The following JPH3 variants were observed in gnomAD, a reference collection of about 807,000 sequenced individuals.
JPH3 encodes the protein junctophilin-3.
In JPH3, 11 loss-of-function variants were observed where a neutral mutation model predicts 59.6. That is an observed-to-expected ratio of 0.18 (90% CI 0.12 to 0.31). The LOEUF (loss-of-function observed/expected upper bound fraction) is 0.31. JPH3 is among the 10% of genes least tolerant of loss of function. JPH3 has a pLI of 1.00. For missense variants in JPH3, 1,202 were observed against 1,105.7 expected, an observed-to-expected ratio of 1.09 and a Z score of -1.24; for synonymous variants, 673 against 483.6, an observed-to-expected ratio of 1.39 and a Z score of -5.14.
chr16:87,691,749 A>G (rs890786214), intron 4 of JPH3, among the ~76,000 whole-genome samples: 3 of 151,906 alleles, frequency 2.0e-5, no homozygotes, highest in East Asian at 3.9e-4. Context: ...CCGTTCCCCA[A>G]AGCCCACAGA....
At chr16:87,607,195 C>A (rs2030553473) in intron 1 of JPH3, among the ~76,000 whole-genome samples, 1 of 152,264 alleles carries the variant, frequency 6.6e-6, no homozygotes, top group Admixed American at 6.5e-5. Context: ...CCCTGGCCCC[C>A]TGAGGCCCAC....
Position 87,644,797 on chromosome 16 carries a change from G to T in JPH3, c.922G>T (p.Gly308Trp), listed in dbSNP as rs748335498. Residue 308 changes from glycine to tryptophan, a missense_variant, in exon 2 of 5, where the codon GGG becomes TGG. Gly to Trp is a radical substitution (Grantham distance 184). Transcript: ENST00000284262. ...SGFGVSQRSDGLKYEGEWASN... is the reference protein window; with the variant it reads ...SGFGVSQRSDWLKYEGEWASN... ...CTTCGGCGTGAGCCAGCGCTCGGACGGGCTCAAGTACGAGGGCGAGTGGGC... is the reference window on the plus strand; with the variant it reads ...CTTCGGCGTGAGCCAGCGCTCGGACTGGCTCAAGTACGAGGGCGAGTGGGC... 1 of 1,613,318 alleles carries T rather than the reference G, an allele frequency of 6.2e-7. No individual in the cohort carries two copies. The highest frequency in any genetic ancestry group is 8.5e-7 in the Non-Finnish European group (1 of 1,179,886).
At chr16:87,609,490 C>G (rs900926174) in intron 1 of JPH3, among the ~76,000 whole-genome samples, 2 of 152,184 alleles carry the variant, frequency 1.3e-5, no homozygotes, top group African/African-American at 2.4e-5. Context: ...TGGTCTTGAA[C>G]TGAACTCAGG....
intron 2 of JPH3, among the ~76,000 whole-genome samples, chr16:87,665,558 A>T (rs2032835046): frequency 6.6e-6 from 1 of 152,224 alleles, no homozygotes; most frequent in Non-Finnish European, 1.5e-5. Context: ...CACCTCACAG[A>T]TGCTGAGACA....
At chr16:87,685,970 T>C (rs970363863) in intron 3 of JPH3, among the ~76,000 whole-genome samples, 1 of 151,674 alleles carries the variant, frequency 6.6e-6, no homozygotes, top group Non-Finnish European at 1.5e-5. Context: ...TGGATTGGGG[T>C]GAGTCCTAGA....
At chr16:87,669,617 A>C (rs560519595) in intron 2 of JPH3, among the ~76,000 whole-genome samples, 12 of 152,162 alleles carry the variant, frequency 7.9e-5, no homozygotes, top group African/African-American at 2.9e-4. Flanking sequence ...TGTCTGCCCC[A>C]TGGTGAGTTT....
chr16:87,651,150 A>G (rs775082139), intron 2 of JPH3, among the ~76,000 whole-genome samples: 1 of 152,236 alleles, frequency 6.6e-6, no homozygotes, highest in Non-Finnish European at 1.5e-5. Flanking sequence ...ATGGAACAAC[A>G]AAGACCTGGA....
At chr16:87,689,613 C>T (rs2033506693) in intron 3 of JPH3, 33 bp from the exon 4 acceptor site, 3 of 1,602,002 alleles carry the variant, frequency 1.9e-6, no homozygotes, top group Admixed American at 3.4e-5. Flanking sequence ...TGCTGGGTAA[C>T]GCCGTCTGGC....
intron 2 of JPH3, among the ~76,000 whole-genome samples, chr16:87,667,460 C>G (rs570664233): frequency 4.9e-4 from 75 of 152,322 alleles, no homozygotes; most frequent in Non-Finnish European, 9.1e-4. Flanking sequence ...TTCCCCAGCC[C>G]TGTTCAGAAA....
At chr16:87,684,431 G>A (rs1291299583) in intron 3 of JPH3, 165 bp downstream of exon 3, 4 of 1,181,004 alleles carry the variant, frequency 3.4e-6, no homozygotes. Context: ...GTGCTTGTTT[G>A]TGCCAAGGCC....
intron 2 of JPH3, among the ~76,000 whole-genome samples, chr16:87,651,483 T>C (rs148405442): frequency 0.016 from 2,496 of 152,294 alleles, 45 homozygotes; most frequent in Non-Finnish European, 0.02. Context: ...TAGATCCCAT[T>C]AAGAACATTC....
intron 2 of JPH3, among the ~76,000 whole-genome samples, chr16:87,667,443 G>A (rs931364683): frequency 9.9e-5 from 15 of 152,166 alleles, no homozygotes; most frequent in East Asian, 1.9e-4. Context: ...TCTGTCTGCC[G>A]CCCGACTTCC....
intron 2 of JPH3, among the ~76,000 whole-genome samples, chr16:87,653,068 G>T (rs74333050): frequency 0.01 from 1,477 of 144,806 alleles, 38 homozygotes; most frequent in African/African-American, 0.039. Flanking sequence ...GTCAGTGCCT[G>T]CGGGGGGGAC....
intron 2 of JPH3, among the ~76,000 whole-genome samples, chr16:87,645,764 C>G (rs893457416): frequency 4.6e-5 from 7 of 152,086 alleles, no homozygotes; most frequent in African/African-American, 1.7e-4. Context: ...GGGTCTGGCT[C>G]CTGTGGAGGT....
At chr16:87,657,312 A>AT (rs1466554275) in intron 2 of JPH3, among the ~76,000 whole-genome samples, 1 of 152,238 alleles carries the variant, frequency 6.6e-6, no homozygotes, top group Admixed American at 6.5e-5. Context: ...AGCCTGTCAC[A>AT]AAAGGACAAA....
chr16:87,657,118 G>C (rs2032528639), intron 2 of JPH3, among the ~76,000 whole-genome samples: 1 of 152,164 alleles, frequency 6.6e-6, no homozygotes. Flanking sequence ...TGGAGCACCT[G>C]GTGTGTTAGG....
chr16:87,604,237 A>G (rs1367992186), intron 1 of JPH3: 3 of 1,446,948 alleles, frequency 2.1e-6, no homozygotes, highest in Non-Finnish European at 2.7e-6. Flanking sequence ...CCTTCATTCT[A>G]AGATGCCACC....
chr16:87,650,302 G>A (rs995185315), intron 2 of JPH3, among the ~76,000 whole-genome samples: 7 of 152,134 alleles, frequency 4.6e-5, no homozygotes, highest in East Asian at 3.8e-4. Context: ...GCCACACATC[G>A]CACCCATATA....
Position 87,690,400 on chromosome 16 carries a change from C to T in JPH3, c.2040C>T (p.Ser680=). 5 of 1,514,042 alleles carry T rather than the reference C, an allele frequency of 3.3e-6. No individual in the cohort carries two copies. The highest frequency in any genetic ancestry group is 4.4e-6 in the Non-Finnish European group (5 of 1,133,314). The allele number at this position is 1,514,042 out of a possible 1,614,324, so 93.8% of individuals were successfully genotyped here. ...SAEPAVQKLA[S]LRLGGAEPRL... Reference sequence around the variant, plus strand: ...AGCCCGCCGTGCAGAAACTGGCGAGCCTGCGGCTGGGCGGGGCCGAGCCCC... The same window carrying T: ...AGCCCGCCGTGCAGAAACTGGCGAGTCTGCGGCTGGGCGGGGCCGAGCCCC... The change falls in exon 4 of 5, where the codon AGC becomes AGT. Residue 680 remains serine (S), a synonymous_variant. Coordinates refer to ENST00000284262, the MANE Select transcript of JPH3 (RefSeq NM_020655.4).
Sources: gnomAD v4.1 joint callset for allele counts (sites outside exome capture counted in the v4.1 genomes callset) on GRCh38, gnomAD v4.1.1 for gene constraint, MANE v1.5 for transcripts, NCBI Gene and HGNC (gene_info 2026-07-23, HGNC 2026-07-21) for gene names.